Variants in OGT observed in about 807,000 individuals in gnomAD.
OGT encodes the protein UDP-N-acetylglucosamine--peptide N-acetylglucosaminyltransferase 110 kDa subunit.
In OGT, 3 loss-of-function variants were observed where a neutral mutation model predicts 75.8. The observed-to-expected ratio is 0.04, with a 90% confidence interval of 0.02 to 0.10. The LOEUF (loss-of-function observed/expected upper bound fraction) is 0.10. OGT is among the 10% of genes least tolerant of loss of function. The probability of loss-of-function intolerance (pLI) is 1.00; values close to 1 mark genes in which losing one functional copy is unlikely to be tolerated. For missense variants in OGT, 260 were observed against 824.4 expected, an observed-to-expected ratio of 0.32 and a Z score of 8.38; for synonymous variants, 257 against 289.7, an observed-to-expected ratio of 0.89 and a Z score of 1.15.
In OGT at chrX:71,555,356, C is replaced by T; in HGVS notation, c.895C>T (p.Leu299=). ...ACATTTCCCTGATGCTTACTGCAAC[C>T]TAGCCAATGCTCTCAAAGAGAAGGG... is the stretch of plus-strand genomic sequence containing the variant. ...QPHFPDAYCN[L]ANALKEKGSV... is the part of the protein sequence containing the mutation. The change falls in exon 7 of 22, where the codon CTA becomes TTA. Residue 299 remains leucine, a synonymous_variant. Coordinates refer to ENST00000373719, the MANE Select transcript of OGT (RefSeq NM_181672.3). The T allele has an allele frequency of 8.3e-7, 1 of 1,210,877 alleles. No homozygotes were observed. Among genetic ancestry groups the T allele is most frequent in the Non-Finnish European group, 1.1e-6 (1 of 894,925 alleles).
At chrX:71,533,458 A>T in intron 1 of OGT, 122 bp downstream of exon 1, 4 of 660,624 alleles carry the variant, frequency 6.1e-6, no homozygotes, top group Non-Finnish European at 7.2e-6. Flanking sequence ...GACATTGCTA[A>T]GCTTTTCGTG....
At chrX:71,539,902 A>G (rs1477373723) in intron 3 of OGT, among the ~76,000 whole-genome samples, 1 of 112,333 alleles carries the variant, frequency 8.9e-6, no homozygotes, top group African/African-American at 3.2e-5. Context: ...CAGAGCAGTC[A>G]TTGCTACTGA....
intron 21 of OGT, among the ~76,000 whole-genome samples, chrX:71,569,091 A>T (rs986344462): frequency 9.0e-6 from 1 of 111,544 alleles, no homozygotes; most frequent in Admixed American, 9.5e-5. Flanking sequence ...GCACTTTGGG[A>T]GGGCGAGGTG....
At position 71,561,834 on chromosome X, in the gene OGT, A is replaced by C. The variant is rs1481609761; in HGVS notation, c.1911A>C (p.Val637=). Residue 637 remains valine (V), a synonymous_variant, in exon 15 of 22, where the codon GTA becomes GTC. Coordinates refer to ENST00000373719, the MANE Select transcript of OGT (RefSeq NM_181672.3). ...ATCAGGATGGAATTCATATCCTTGT[A>C]AATATGAATGGCTATACTAAGGGCG... ...RIHQDGIHIL[V]NMNGYTKGAR... 1.7e-6 allele frequency: 2 copies of C among 1,201,573 alleles called. No individual in the cohort carries two copies. Among genetic ancestry groups the C allele is most frequent in the African/African-American group, 3.5e-5 (2 of 57,096 alleles).
intron 5 of OGT, among the ~76,000 whole-genome samples, chrX:71,550,479 G>A (rs1225878874): frequency 9.0e-6 from 1 of 111,213 alleles, no homozygotes; most frequent in Non-Finnish European, 1.9e-5. Flanking sequence ...GAACTCCTGG[G>A]CTCAAGTGAT....
intron 1 of OGT, 98 bp downstream of exon 1, chrX:71,533,434 C>A: frequency 1.3e-6 from 1 of 771,808 alleles, no homozygotes; most frequent in Non-Finnish European, 1.9e-6. Context: ...TCGAACCATC[C>A]CCATTACATC....
At chrX:71,561,656 C>T in intron 14 of OGT, 119 bp from the exon 15 acceptor site, 1 of 543,140 alleles carries the variant, frequency 1.8e-6, no homozygotes, top group Non-Finnish European at 2.7e-6. Context: ...ACCTCTTTTC[C>T]ATCTGGGAAT....
chrX:71,551,444 C>T (rs2040303297), intron 5 of OGT, among the ~76,000 whole-genome samples: 1 of 111,639 alleles, frequency 9.0e-6, no homozygotes, highest in Non-Finnish European at 1.9e-5. Context: ...CCAGCCTGGC[C>T]AACATGGCAA....
chrX:71,558,206 C>T (rs1378375563), intron 12 of OGT, among the ~76,000 whole-genome samples: 4 of 110,793 alleles, frequency 3.6e-5, no homozygotes, highest in African/African-American at 9.9e-5. Flanking sequence ...CCACCTCGCC[C>T]GGCCAAAGTG....
intron 1 of OGT, among the ~76,000 whole-genome samples, chrX:71,534,014 C>T (rs1343387302): frequency 2.7e-5 from 3 of 111,004 alleles, no homozygotes; most frequent in Non-Finnish European, 5.7e-5. Context: ...CGCCCAATTC[C>T]ACCGCTGCCC....
intron 4 of OGT, chrX:71,546,527 C>A (rs2040259941): frequency 1.3e-6 from 1 of 752,709 alleles, no homozygotes; most frequent in Non-Finnish European, 1.6e-6. Flanking sequence ...AACAATTTGC[C>A]TCCATGCCTG....
intron 3 of OGT, among the ~76,000 whole-genome samples, chrX:71,543,936 G>C (rs973268705): frequency 9.2e-6 from 1 of 109,117 alleles, no homozygotes; most frequent in Non-Finnish European, 1.9e-5. Flanking sequence ...ACAGGCACAC[G>C]CCACCATGCC....
Position 71,533,114 on chromosome X carries a change from C to T in OGT, c.-186C>T. 2.5e-6 allele frequency: 1 copy of T among 401,173 alleles called. No homozygotes were observed. The highest frequency in any genetic ancestry group is 4.4e-6 in the Non-Finnish European group (1 of 227,827). The allele number at this position is 401,173 out of a possible 1,213,427, so 33.1% of individuals were successfully genotyped here. On this transcript the variant is annotated 5_prime_UTR_variant, in exon 1 of 22. Coordinates refer to ENST00000373719, the MANE Select transcript of OGT (RefSeq NM_181672.3). ...GGAGCCGTCGCCGCCATTTCAAGACCGTACTAGGTAGATGGTCAATTAGAG... is the reference window on the plus strand; with the variant it reads ...GGAGCCGTCGCCGCCATTTCAAGACTGTACTAGGTAGATGGTCAATTAGAG...
intron 21 of OGT, among the ~76,000 whole-genome samples, chrX:71,573,297 A>G (rs1018094982): frequency 8.9e-6 from 1 of 112,473 alleles, no homozygotes; most frequent in Non-Finnish European, 1.9e-5. Flanking sequence ...GCAACAGTAC[A>G]TAGGAATAGT....
chrX:71,575,760 T>C lies in OGT; in HGVS notation c.*1966T>C, dbSNP rs1308657105. 1.8e-5 allele frequency: 2 copies of C among 112,602 alleles called. No individual in the cohort carries two copies. The highest frequency in any genetic ancestry group is 2.8e-4 in the East Asian group (1 of 3,619). 9.3% of individuals were successfully genotyped at this position (112,602 alleles called of 1,213,427 possible). ...GAAGACTTAATTCTGATTAGAGATA[T>C]AGATATTACTGGAAACTAATTGTTT... On this transcript the variant is annotated 3_prime_UTR_variant, in exon 22 of 22. Coordinates refer to ENST00000373719, the MANE Select transcript of OGT (RefSeq NM_181672.3).
Position 71,574,138 on chromosome X carries a change from T to A in OGT, c.*344T>A, listed in dbSNP as rs1217841886. On this transcript the variant is annotated 3_prime_UTR_variant, in exon 22 of 22. Transcript: ENST00000373719. ...TTTGTGATTCCATGGATTGATTCAG[T>A]CTTCTGGATTTTTTTTTCTTTATAT... The A allele has an allele frequency of 7.6e-6, 1 of 131,245 alleles. No individual in the cohort carries two copies. Among genetic ancestry groups the A allele is most frequent in the Admixed American group, 8.9e-5 (1 of 11,236 alleles). The allele number at this position is 131,245 out of a possible 1,213,427, so 10.8% of individuals were successfully genotyped here. A position where few individuals can be genotyped will look rare whatever the true frequency, so the allele number is the denominator to read the frequency against.
intron 6 of OGT, 69 bp downstream of exon 6, chrX:71,554,661 GA>G (rs1273432985): frequency 7.0e-6 from 6 of 853,787 alleles, no homozygotes; most frequent in Non-Finnish European, 1.0e-5. Context: ...AGTTTGGACC[GA>G]AATGATGACA....
chrX:71,565,742 G>A (rs2040412484), intron 19 of OGT, among the ~76,000 whole-genome samples: 1 of 112,422 alleles, frequency 8.9e-6, no homozygotes, highest in African/African-American at 3.2e-5. Flanking sequence ...CAGCTTTGCC[G>A]TTGTAGCACG....
At chrX:71,540,892 T>C (rs1401133148) in intron 3 of OGT, among the ~76,000 whole-genome samples, 1 of 111,249 alleles carries the variant, frequency 9.0e-6, no homozygotes, top group African/African-American at 3.3e-5. Flanking sequence ...AGGCTTGTCT[T>C]GAACTCCTGG....
Sources: gnomAD v4.1 joint callset for allele counts (sites outside exome capture counted in the v4.1 genomes callset) on GRCh38, gnomAD v4.1.1 for gene constraint, MANE v1.5 for transcripts, NCBI Gene and HGNC (gene_info 2026-07-23, HGNC 2026-07-21) for gene names.